Variants in TEX11 observed in about 807,000 individuals in gnomAD.
TEX11 encodes the protein testis-expressed protein 11.
TEX11 carries 7 observed loss-of-function variants against 84.4 expected under a neutral mutation model. The ratio of observed to expected loss-of-function variants is 0.08; its 90% CI spans 0.05 to 0.16. The LOEUF is 0.16. Ranked by LOEUF, TEX11 falls within the 10% of genes least tolerant of loss-of-function variation. TEX11 has a pLI of 1.00. For missense variants in TEX11, 551 were observed against 660.5 expected, an observed-to-expected ratio of 0.83 and a Z score of 1.82; for synonymous variants, 264 against 222.8, an observed-to-expected ratio of 1.18 and a Z score of -1.64.
At chrX:70,761,298 G>A (rs2090907453) in intron 9 of TEX11, among the ~76,000 whole-genome samples, 1 of 111,917 alleles carries the variant, frequency 8.9e-6, no homozygotes, top group Non-Finnish European at 1.9e-5. Context: ...CTACTATAAA[G>A]ACACATGCAC....
At chrX:70,735,921 T>C (rs1051142459) in intron 11 of TEX11, among the ~76,000 whole-genome samples, 5 of 111,964 alleles carry the variant, frequency 4.5e-5, no homozygotes, top group African/African-American at 1.6e-4. Context: ...GAATGTCTAT[T>C]GAGCTCCTTT....
intron 17 of TEX11, among the ~76,000 whole-genome samples, chrX:70,630,313 G>GA (rs367757066): frequency 0.098 from 5,891 of 60,071 alleles, 331 homozygotes; most frequent in Admixed American, 0.28. Context: ...CTCTGTCTCA[G>GA]AAAAAAAAAA....
chrX:70,776,670 T>A (rs984719573), intron 9 of TEX11, among the ~76,000 whole-genome samples: 3 of 110,673 alleles, frequency 2.7e-5, no homozygotes, highest in Non-Finnish European at 5.7e-5. Flanking sequence ...AAGACAAATA[T>A]CATATGTTCT....
intron 9 of TEX11, among the ~76,000 whole-genome samples, chrX:70,780,004 T>G (rs1436767358): frequency 8.9e-6 from 1 of 111,994 alleles, no homozygotes; most frequent in Non-Finnish European, 1.9e-5. Context: ...CAGTGGCTCA[T>G]GCCTGTAATC....
At chrX:70,516,600 G>T in the TEX11 span, among the ~76,000 whole-genome samples, 3 of 111,738 alleles carry the variant, frequency 2.7e-5, no homozygotes, top group Non-Finnish European at 5.6e-5. Context: ...TCTTAGCAAT[G>T]CGGGCTCTTT....
intron 8 of TEX11, among the ~76,000 whole-genome samples, chrX:70,819,019 G>A (rs1184177457): frequency 8.9e-6 from 1 of 111,751 alleles, no homozygotes; most frequent in East Asian, 2.8e-4. Context: ...AACATTCAAA[G>A]AAGAATTAAT....
chrX:70,843,614 C>T (rs1452938961), intron 7 of TEX11, among the ~76,000 whole-genome samples: 3 of 111,093 alleles, frequency 2.7e-5, no homozygotes, highest in Non-Finnish European at 5.7e-5. Context: ...AAATGGGATC[C>T]AATTAAACTA....
intron 9 of TEX11, among the ~76,000 whole-genome samples, chrX:70,780,576 T>C (rs1226108779): frequency 2.7e-5 from 3 of 112,292 alleles, no homozygotes; most frequent in Non-Finnish European, 5.6e-5. Flanking sequence ...TGACAGTCTG[T>C]ACCTGGAGGA....
Position 70,617,344 on chromosome X carries a change from T to TA in TEX11, c.1751+6605_1751+6606insT, listed in dbSNP as rs1555998726. ...ATCAAAAGAAGAATAAGTGAAGGTT[T>TA]TATATATATATATCATTATATATAC... is the stretch of plus-strand genomic sequence containing the variant. On this transcript the variant is annotated intron_variant, in intron 20 of 29. Transcript: ENST00000374333. Among the ~76,000 whole-genome samples, 112 of 103,402 alleles carry TA rather than the reference T, an allele frequency of 1.1e-3. 1 individual carries two copies. The East Asian group carries it at 0.024, about 22-fold the overall frequency. The allele number at this position is 103,402 out of a possible 115,157, so 89.8% of individuals were successfully genotyped here.
At chrX:70,850,034 T>G (rs1003041404) in intron 7 of TEX11, among the ~76,000 whole-genome samples, 4 of 111,992 alleles carry the variant, frequency 3.6e-5, no homozygotes, top group Non-Finnish European at 7.5e-5. Context: ...TTTAAAATCT[T>G]GCAGGAAAGC....
chrX:70,691,815 C>A (rs1184955738), intron 13 of TEX11, among the ~76,000 whole-genome samples: 1 of 109,520 alleles, frequency 9.1e-6, no homozygotes, highest in Non-Finnish European at 1.9e-5. Context: ...TCTCAAGTAT[C>A]CTCTCTATAA....
chrX:70,587,371 T>C (rs777229581), intron 25 of TEX11, among the ~76,000 whole-genome samples: 1 of 112,114 alleles, frequency 8.9e-6, no homozygotes, highest in African/African-American at 3.2e-5. Flanking sequence ...GCCCAGGGCT[T>C]CTCTGCTTTG....
At chrX:70,715,135 G>T (rs1310026529) in intron 13 of TEX11, among the ~76,000 whole-genome samples, 1 of 110,647 alleles carries the variant, frequency 9.0e-6, no homozygotes, top group East Asian at 2.8e-4. Context: ...CACTCTTCTG[G>T]CTTGTAGAGT....
Position 70,621,579 on chromosome X carries a change from A to AT in TEX11, c.1751+2370_1751+2371insA, listed in dbSNP as rs55713842. Among the ~76,000 whole-genome samples, 174 of 37,717 alleles carry AT rather than the reference A, an allele frequency of 4.6e-3. 6 individuals are homozygous for AT. The highest frequency in any genetic ancestry group is 0.025 in the East Asian group (15 of 600). 32.8% of individuals were successfully genotyped at this position (37,717 alleles called of 115,157 possible). On this transcript the variant is annotated intron_variant, in intron 20 of 29. Transcript: ENST00000374333. ...ATATATATATATATATATATATATA[A>AT]ATAAAAATAAAATATTAAACTTAAA...
At chrX:70,652,068 A>T (rs766904563) in intron 16 of TEX11, among the ~76,000 whole-genome samples, 2 of 111,277 alleles carry the variant, frequency 1.8e-5, no homozygotes, top group South Asian at 7.6e-4. Flanking sequence ...TCCTACCCAC[A>T]TCCCTGGAAA....
intron 2 of TEX11, among the ~76,000 whole-genome samples, chrX:70,888,305 G>A: frequency 8.9e-6 from 1 of 112,505 alleles, no homozygotes; most frequent in East Asian, 2.8e-4. Flanking sequence ...CTGTGTTGAG[G>A]AAACTCAAAG....
intron 13 of TEX11, among the ~76,000 whole-genome samples, chrX:70,688,651 A>T (rs2090209002): frequency 9.1e-6 from 1 of 109,580 alleles, no homozygotes; most frequent in Non-Finnish European, 1.9e-5. Context: ...GGATGGTGAA[A>T]ATACTACGTG....
intron 9 of TEX11, among the ~76,000 whole-genome samples, chrX:70,750,484 C>T (rs193245322): frequency 0.056 from 6,138 of 110,204 alleles, 366 homozygotes; most frequent in African/African-American, 0.16. Context: ...ATGTTTATTG[C>T]GGCATTATTC....
At chrX:70,542,995 T>C (rs374664966) in intron 28 of TEX11, among the ~76,000 whole-genome samples, 8 of 110,950 alleles carry the variant, frequency 7.2e-5, no homozygotes, top group Admixed American at 3.8e-4. Context: ...TCCTGGCTAA[T>C]ACGGTGAAAC....
Sources: allele counts gnomAD v4.1 joint callset (sites outside exome capture counted in the v4.1 genomes callset), GRCh38; gene constraint gnomAD v4.1.1; transcripts MANE v1.5; gene names NCBI Gene and HGNC (gene_info 2026-07-23, HGNC 2026-07-21).